LOXL2: variants seen among roughly 807,000 people sequenced by gnomAD.
LOXL2 encodes lysyl oxidase like 2.
In LOXL2, 70 loss-of-function variants were observed where a neutral mutation model predicts 93.0. That is an observed-to-expected ratio of 0.75 (90% CI 0.62 to 0.92). LOXL2 has a LOEUF of 0.92. Among genes scored for constraint, LOXL2 ranks in the 40% least tolerant of loss-of-function variants. The probability of loss-of-function intolerance (pLI) is 0.00; values close to 1 mark genes in which losing one functional copy is unlikely to be tolerated. For missense variants in LOXL2, 973 were observed against 1,054.9 expected, an observed-to-expected ratio of 0.92 and a Z score of 1.08; for synonymous variants, 438 against 413.2, an observed-to-expected ratio of 1.06 and a Z score of -0.73.
Position 23,360,281 on chromosome 8 carries a change from A to G in LOXL2, c.356-16T>C, listed in dbSNP as rs1331387068. ...CAGATGGGCCCTGAAGGAGGCAGAG[A>G]GGAGAGAAACCAAGTGCTGCGTCAA... On this transcript the variant is annotated splice_polypyrimidine_tract_variant and intron_variant, in intron 2 of 13. Coordinates refer to ENST00000389131, the MANE Select transcript of LOXL2 (RefSeq NM_002318.3). 2.5e-6 allele frequency: 4 copies of G among 1,583,394 alleles called. No individual in the cohort carries two copies. In the African/African-American group the frequency reaches 5.4e-5, roughly 21 times the overall value.
intron 1 of LOXL2, among the ~76,000 whole-genome samples, chr8:23,390,742 A>AT (rs1563210160): frequency 6.6e-6 from 1 of 152,212 alleles, no homozygotes; most frequent in Non-Finnish European, 1.5e-5. Context: ...GCAGCTCATA[A>AT]AGGGGCAGGG....
chr8:23,317,489 A>T (rs1803422474), intron 8 of LOXL2, among the ~76,000 whole-genome samples: 1 of 152,212 alleles, frequency 6.6e-6, no homozygotes, highest in African/African-American at 2.4e-5. Flanking sequence ...TCTAAGCCCG[A>T]ATAGGATCTC....
chr8:23,358,213 T>C (rs752994369), intron 3 of LOXL2, among the ~76,000 whole-genome samples: 11 of 152,204 alleles, frequency 7.2e-5, no homozygotes, highest in Non-Finnish European at 4.4e-5. Flanking sequence ...ATCAACTCCA[T>C]CACAATCTCT....
intron 4 of LOXL2, among the ~76,000 whole-genome samples, chr8:23,338,111 G>C (rs544845196): frequency 6.6e-6 from 1 of 152,302 alleles, no homozygotes; most frequent in East Asian, 1.9e-4. Flanking sequence ...GCGTGTGCAG[G>C]GGAACTGGCC....
intron 2 of LOXL2, among the ~76,000 whole-genome samples, chr8:23,362,731 C>G (rs184991650): frequency 6.6e-6 from 1 of 151,440 alleles, no homozygotes; most frequent in Admixed American, 6.6e-5. Flanking sequence ...GACCCTGTCT[C>G]CAGAAAAAAA....
intron 10 of LOXL2, among the ~76,000 whole-genome samples, chr8:23,306,653 G>A (rs1319201399): frequency 6.6e-6 from 1 of 152,246 alleles, no homozygotes; most frequent in Non-Finnish European, 1.5e-5. Flanking sequence ...CCTCTTTGCA[G>A]CAATGCCATC....
intron 12 of LOXL2, among the ~76,000 whole-genome samples, chr8:23,300,668 CAAAAT>C (rs1393218418): frequency 1.3e-5 from 2 of 152,124 alleles, no homozygotes; most frequent in Non-Finnish European, 2.9e-5. Flanking sequence ...GTTGAGAAAA[CAAAAT>C]AAAGAGTTGA....
intron 3 of LOXL2, among the ~76,000 whole-genome samples, chr8:23,348,903 AAAC>A (rs979619969): frequency 2.6e-5 from 4 of 152,058 alleles, no homozygotes; most frequent in East Asian, 1.9e-4. Context: ...ACAAACAAAA[AAAC>A]AACAACAGTG....
intron 10 of LOXL2, among the ~76,000 whole-genome samples, chr8:23,308,209 C>T (rs1480580420): frequency 1.3e-5 from 2 of 152,154 alleles, no homozygotes; most frequent in Non-Finnish European, 2.9e-5. Context: ...GACCACATTC[C>T]GGAGCTGCAG....
chr8:23,319,088 T>C (rs115053624), intron 8 of LOXL2, among the ~76,000 whole-genome samples: 1,553 of 152,350 alleles, frequency 0.01, 19 homozygotes, highest in African/African-American at 0.036. Context: ...ATCTTCCCGT[T>C]ATGTAAGCTG....
chr8:23,313,682 A>G (rs949830306), intron 9 of LOXL2, among the ~76,000 whole-genome samples: 2 of 150,642 alleles, frequency 1.3e-5, no homozygotes, highest in Non-Finnish European at 3.0e-5. Flanking sequence ...TAGACCTAAA[A>G]CCATAAAAAC....
intron 5 of LOXL2, among the ~76,000 whole-genome samples, chr8:23,332,673 A>C (rs1803716480): frequency 6.0e-5 from 1 of 16,610 alleles, no homozygotes; most frequent in Non-Finnish European, 8.7e-5. Context: ...CCCCACACTC[A>C]TACACACACT....
At chr8:23,383,260 C>T (rs1271252266) in intron 1 of LOXL2, among the ~76,000 whole-genome samples, 1 of 152,078 alleles carries the variant, frequency 6.6e-6, no homozygotes, top group African/African-American at 2.4e-5. Context: ...TCCTGCCTGC[C>T]CCACTTCCTA....
chr8:23,315,282 T>C, intron 9 of LOXL2, among the ~76,000 whole-genome samples: 1 of 150,040 alleles, frequency 6.7e-6, no homozygotes, highest in East Asian at 2.0e-4. Context: ...TTGTGTAGAT[T>C]TCTAGCATAT....
At chr8:23,375,156 C>T (rs1242080999) in intron 1 of LOXL2, among the ~76,000 whole-genome samples, 1 of 152,134 alleles carries the variant, frequency 6.6e-6, no homozygotes, top group Non-Finnish European at 1.5e-5. Flanking sequence ...TTTCAGCTTT[C>T]TACATATGGC....
chr8:23,316,909 C>T (rs745645431), intron 9 of LOXL2, 40 bp downstream of exon 9: 54 of 1,526,324 alleles, frequency 3.5e-5, no homozygotes, highest in Non-Finnish European at 4.7e-5. Context: ...ACTCTGGTCC[C>T]CTTGGGAGCC....
intron 2 of LOXL2, chr8:23,363,342 C>T (rs1025251859): frequency 9.8e-5 from 15 of 152,312 alleles, no homozygotes; most frequent in African/African-American, 3.4e-4. Context: ...ACCTTGGATC[C>T]ATTGTGGAGA....
intron 3 of LOXL2, among the ~76,000 whole-genome samples, chr8:23,344,360 A>G (rs79277575): frequency 0.041 from 6,234 of 151,552 alleles, 155 homozygotes; most frequent in Admixed American, 0.076. Flanking sequence ...GTGTATGTGC[A>G]TGGTGGTGTG....
intron 3 of LOXL2, among the ~76,000 whole-genome samples, chr8:23,359,099 G>A (rs1804246535): frequency 6.6e-6 from 1 of 151,676 alleles, no homozygotes; most frequent in South Asian, 2.1e-4. Flanking sequence ...TGATCTGCCC[G>A]CCTCGGCCTC....
Sources: allele counts gnomAD v4.1 joint callset (sites outside exome capture counted in the v4.1 genomes callset), GRCh38; gene constraint gnomAD v4.1.1; transcripts MANE v1.5; gene names NCBI Gene and HGNC (gene_info 2026-07-23, HGNC 2026-07-21).